Variants in SRL observed in about 807,000 individuals in gnomAD.
SRL encodes sarcalumenin.
Under a neutral mutation model 39.5 loss-of-function variants are expected in SRL, and 23 were observed. The ratio of observed to expected loss-of-function variants is 0.58; its 90% CI spans 0.42 to 0.82. The LOEUF is 0.82. Among genes scored for constraint, SRL ranks in the 40% least tolerant of loss-of-function variants. The pLI, the probability that SRL is intolerant of heterozygous loss-of-function variation, is 0.00. For missense variants in SRL, 592 were observed against 607.8 expected (o/e 0.97, Z 0.27); for synonymous variants, 272 against 237.4 (o/e 1.15, Z -1.34).
chr16:4,230,969 C>T (rs2052654478), intron 1 of SRL, among the ~76,000 whole-genome samples: 1 of 152,094 alleles, frequency 6.6e-6, no homozygotes, highest in African/African-American at 2.4e-5. Flanking sequence ...GGAATGTGGC[C>T]CTGCCAACAC....
At chr16:4,199,692 C>CTTTTTTTTTT (rs201684866) in intron 3 of SRL, among the ~76,000 whole-genome samples, 6 of 111,454 alleles carry the variant, frequency 5.4e-5, no homozygotes, top group African/African-American at 2.0e-4. Context: ...CTTTTCTTTT[C>CTTTTTTTTTT]CTTTTTTTTT....
chr16:4,217,145 C>A (rs118160921), intron 1 of SRL, among the ~76,000 whole-genome samples: 1 of 152,164 alleles, frequency 6.6e-6, no homozygotes, highest in Non-Finnish European at 1.5e-5. Context: ...GCCAGGCCCA[C>A]GGCTATGCCT....
chr16:4,218,796 C>T (rs1250038105), intron 1 of SRL, among the ~76,000 whole-genome samples: 1 of 152,234 alleles, frequency 6.6e-6, no homozygotes, highest in Non-Finnish European at 1.5e-5. Flanking sequence ...CCACAGAAGC[C>T]GGCGGTTCCC....
chr16:4,196,434 A>C lies in SRL; in HGVS notation c.377-648T>G, dbSNP rs186037090. ...TTTCCTCTTCCCCCAGTCCCTGGTT[A>C]CAAGCACTCTGGCGTCTCTCTCTCT... On this transcript the variant is annotated intron_variant, in intron 4 of 5. Transcript: ENST00000399609. Among the ~76,000 whole-genome samples the C allele has an allele frequency of 6.0e-5, 9 of 149,822 alleles. No homozygotes were observed. In the East Asian group the frequency reaches 1.8e-3, roughly 29 times the overall value.
In SRL at chr16:4,195,692, A is replaced by G. The variant is rs10852643; in HGVS notation, c.471T>C (p.Arg157=). The change falls in exon 5 of 6, where the codon CGT becomes CGC. Residue 157 remains arginine, a synonymous_variant. Transcript: ENST00000399609. Reference sequence around the variant, plus strand: ...CAAACTTCTCAAGGGGTGAGAAGGAACGGGCGCTGTCAGCAGCCATGACGA... The same window carrying G: ...CAAACTTCTCAAGGGGTGAGAAGGAGCGGGCGCTGTCAGCAGCCATGACGA... ...EGIVMAADSA[R]SFSPLEKFGQ... 1,165,556 of 1,613,938 alleles carry G rather than the reference A, an allele frequency of 0.72. 423,376 individuals are homozygous for G. Among genetic ancestry groups the G allele is most frequent in the African/African-American group, 0.93 (70,112 of 75,016 alleles).
chr16:4,192,609 G>C lies in SRL; in HGVS notation c.966C>G (p.Ile322Met), dbSNP rs756763066. Residue 322 changes from isoleucine (I) to methionine (M), a missense_variant, in exon 6 of 6, where the codon ATC (isoleucine) becomes ATG (methionine). Ile to Met is a conservative substitution (Grantham distance 10). Coordinates refer to ENST00000399609, the MANE Select transcript of SRL (RefSeq NM_001098814.2). This position sits in a 1 kb window ranked among gnomAD's most constrained non-coding sequence, Gnocchi z 4.0. ...ISLLEDLNQV[I>M]ENRLENKIAF... ...CAATCTTGTTCTCCAGTCTGTTCTC[G>C]ATCACCTGATTCAGGTCTTCTAGGA... 6.2e-7 allele frequency: 1 copy of C among 1,614,150 alleles called. No homozygotes were observed. The highest frequency in any genetic ancestry group is 8.5e-7 in the Non-Finnish European group (1 of 1,180,018).
chr16:4,200,008 CAG>C (rs916210339), intron 3 of SRL, among the ~76,000 whole-genome samples: 4 of 152,136 alleles, frequency 2.6e-5, no homozygotes, highest in Non-Finnish European at 5.9e-5. Context: ...CATCTTTTTA[CAG>C]AGAGCGTTGC....
At chr16:4,228,848 T>A (rs1202896200) in intron 1 of SRL, among the ~76,000 whole-genome samples, 1 of 152,142 alleles carries the variant, frequency 6.6e-6, no homozygotes, top group Non-Finnish European at 1.5e-5. Flanking sequence ...AGAACTGGAC[T>A]GAGCCACAGC....
chr16:4,195,387 G>A (rs983955526), intron 5 of SRL, among the ~76,000 whole-genome samples, 166 bp downstream of exon 5: 8 of 152,104 alleles, frequency 5.3e-5, no homozygotes, highest in African/African-American at 9.7e-5. Context: ...TTGTAGAGAT[G>A]AGGTTTCACT....
rs562813945 is a variant in SRL at position 4,241,923 on chromosome 16, C to G, written c.61+84G>C. 6.6e-6 allele frequency: 10 copies of G among 1,510,712 alleles called. No homozygotes were observed. The Admixed American group carries it at 1.2e-4, about 18-fold the overall frequency. The allele number at this position is 1,510,712 out of a possible 1,614,324, so 93.6% of individuals were successfully genotyped here. On this transcript the variant is annotated intron_variant, in intron 1 of 5. Coordinates refer to ENST00000399609, the MANE Select transcript of SRL (RefSeq NM_001098814.2). ...CAGGGTTTGCCATCAGCCCCGACCCCCTACCCAACCCATGGTAGACAGAAA... is the reference window on the plus strand; with the variant it reads ...CAGGGTTTGCCATCAGCCCCGACCCGCTACCCAACCCATGGTAGACAGAAA...
chr16:4,207,005 G>A (rs551606053), intron 1 of SRL: 131 of 453,476 alleles, frequency 2.9e-4, no homozygotes, highest in Admixed American at 1.9e-4. Context: ...GGGGCTCCTC[G>A]GCTTCCTGGG....
At chr16:4,213,064 A>G (rs2052413160) in intron 1 of SRL, among the ~76,000 whole-genome samples, 1 of 152,130 alleles carries the variant, frequency 6.6e-6, no homozygotes, top group Admixed American at 6.5e-5. Flanking sequence ...GGTGGGACAG[A>G]GTCCAAATAT....
At chr16:4,205,117 G>C (rs1196122497) in intron 1 of SRL, among the ~76,000 whole-genome samples, 1 of 152,030 alleles carries the variant, frequency 6.6e-6, no homozygotes, top group Non-Finnish European at 1.5e-5. Flanking sequence ...GAGCCCAAAA[G>C]TTGGAGACCA....
chr16:4,212,524 G>C (rs1432429167), intron 1 of SRL, among the ~76,000 whole-genome samples: 1 of 152,194 alleles, frequency 6.6e-6, no homozygotes, highest in African/African-American at 2.4e-5. Context: ...CTGGAGCAGG[G>C]AGGCCGCAGA....
In SRL at chr16:4,211,741, C is replaced by T. The variant is rs926016632; in HGVS notation, c.62-7107G>A. 2.0e-3 allele frequency among the ~76,000 whole-genome samples: 269 copies of T among 132,256 alleles called. 1 individual carries two copies. Among genetic ancestry groups the T allele is most frequent in the African/African-American group, 7.2e-3 (247 of 34,300 alleles). The allele number at this position is 132,256 out of a possible 152,430, so 86.8% of individuals were successfully genotyped here. A position where few individuals can be genotyped will look rare whatever the true frequency, so the allele number is the denominator to read the frequency against. ...TGATGACCGTGCCGATGATGAGGAT[C>T]GTGATGATGATGATGATGGTGATGA... On this transcript the variant is annotated intron_variant, in intron 1 of 5. Transcript: ENST00000399609.
chr16:4,228,505 G>C (rs1336881627), intron 1 of SRL, among the ~76,000 whole-genome samples: 1 of 152,072 alleles, frequency 6.6e-6, no homozygotes, highest in Admixed American at 6.6e-5. Flanking sequence ...GGAGGCCGAG[G>C]CGGGCGGATC....
At chr16:4,203,769 C>G (rs80295509) in intron 2 of SRL, among the ~76,000 whole-genome samples, 3,709 of 152,328 alleles carry the variant, frequency 0.024, 66 homozygotes, top group Middle Eastern at 0.17. Context: ...TGCTGCCTCA[C>G]TGCAAGCCCT....
chr16:4,230,547 A>ATTT (rs555911990), intron 1 of SRL, among the ~76,000 whole-genome samples: 2 of 144,460 alleles, frequency 1.4e-5, no homozygotes, highest in African/African-American at 5.1e-5. Context: ...TGACTGGCTA[A>ATTT]TTTTTTTTTT....
intron 1 of SRL, among the ~76,000 whole-genome samples, chr16:4,240,310 A>T (rs2052759289): frequency 6.6e-6 from 1 of 152,090 alleles, no homozygotes; most frequent in African/African-American, 2.4e-5. Flanking sequence ...AGGGGAAATC[A>T]CCCAGTAGGA....
Sources: allele counts gnomAD v4.1 joint callset (sites outside exome capture counted in the v4.1 genomes callset), GRCh38; gene constraint gnomAD v4.1.1; non-coding constraint Gnocchi (gnomAD v3.1); transcripts MANE v1.5; gene names NCBI Gene and HGNC (gene_info 2026-07-23, HGNC 2026-07-21).